The following SIK3 variants were observed in gnomAD, a reference collection of about 807,000 sequenced individuals.
SIK3 encodes the protein SIK family kinase 3.
A neutral mutation model predicts 144.2 loss-of-function variants in SIK3; 28 were observed. That is an observed-to-expected ratio of 0.19 (90% CI 0.14 to 0.27). The LOEUF is 0.27. Among genes scored for constraint, SIK3 ranks in the 10% least tolerant of loss-of-function variants. The pLI is 1.00. For synonymous variants in SIK3, 686 were observed against 676.3 expected (o/e 1.01, Z -0.22); for missense variants, 1,319 against 1,776.0 (o/e 0.74, Z 4.62).
chr11:116,943,048 T>C (rs1948397889), intron 3 of SIK3, among the ~76,000 whole-genome samples: 1 of 152,178 alleles, frequency 6.6e-6, no homozygotes, highest in Admixed American at 6.5e-5. Context: ...AGTGATTGAA[T>C]TCAGCATATA....
chr11:116,896,486 C>T, intron 5 of SIK3, 110 bp from the exon 6 acceptor site: 2 of 1,179,030 alleles, frequency 1.7e-6, no homozygotes, highest in Non-Finnish European at 1.2e-6. Context: ...GATTATGGAA[C>T]AAACTTTTTC....
At chr11:116,891,589 CCTTAGAGG>C (rs1945114591) in intron 6 of SIK3, among the ~76,000 whole-genome samples, 1 of 151,880 alleles carries the variant, frequency 6.6e-6, no homozygotes, top group Non-Finnish European at 1.5e-5. Flanking sequence ...GTAAACTTTA[CCTTAGAGG>C]CAATGGTAAA....
intron 1 of SIK3, among the ~76,000 whole-genome samples, chr11:117,022,467 C>G (rs1951820399): frequency 6.6e-6 from 1 of 152,148 alleles, no homozygotes; most frequent in Non-Finnish European, 1.5e-5. Context: ...TTCCTTTGGT[C>G]TACATTTCAA....
chr11:117,032,644 C>A (rs938794202), intron 1 of SIK3, among the ~76,000 whole-genome samples: 3 of 150,784 alleles, frequency 2.0e-5, no homozygotes, highest in African/African-American at 7.3e-5. Context: ...GTAGCTGGGA[C>A]TATGACACGC....
intron 1 of SIK3, among the ~76,000 whole-genome samples, chr11:117,065,229 G>A (rs2135972751): frequency 6.6e-6 from 1 of 151,606 alleles, no homozygotes; most frequent in East Asian, 1.9e-4. Context: ...CATAAAATGA[G>A]ACGTAGCTTG....
At chr11:117,004,753 C>A (rs1950979991) in intron 1 of SIK3, among the ~76,000 whole-genome samples, 1 of 152,218 alleles carries the variant, frequency 6.6e-6, no homozygotes, top group African/African-American at 2.4e-5. Context: ...CCAACCAACT[C>A]TTGTAAGATT....
chr11:117,058,857 AAGGGCAGTACTGTT>A, intron 1 of SIK3, among the ~76,000 whole-genome samples: 1 of 152,214 alleles, frequency 6.6e-6, no homozygotes, highest in Non-Finnish European at 1.5e-5. Context: ...AACACAGAAA[AAGGGCAGTACTGTT>A]AATCCACAGC....
chr11:117,021,093 G>C (rs1951744666), intron 1 of SIK3, among the ~76,000 whole-genome samples: 1 of 152,186 alleles, frequency 6.6e-6, no homozygotes, highest in Non-Finnish European at 1.5e-5. Context: ...AGAACTGGTT[G>C]ACTGCTTGGT....
chr11:116,884,518 C>T (rs1434220759), intron 6 of SIK3, among the ~76,000 whole-genome samples: 1 of 152,086 alleles, frequency 6.6e-6, no homozygotes, highest in Non-Finnish European at 1.5e-5. Flanking sequence ...TGCCACCACG[C>T]CCAGCTAATT....
At chr11:117,079,797 G>C (rs1954704835) in intron 1 of SIK3, among the ~76,000 whole-genome samples, 2 of 151,440 alleles carry the variant, frequency 1.3e-5, no homozygotes, top group Admixed American at 6.6e-5. Context: ...TTTTATATTA[G>C]ACACACACAC....
intron 3 of SIK3, chr11:116,950,016 G>A: frequency 2.3e-6 from 1 of 444,398 alleles, no homozygotes; most frequent in Non-Finnish European, 4.5e-6. Flanking sequence ...TGGAGAGCGG[G>A]GGAGGACAGC....
At chr11:116,897,929 C>T (rs991657585) in intron 4 of SIK3, among the ~76,000 whole-genome samples, 3 of 151,846 alleles carry the variant, frequency 2.0e-5, no homozygotes, top group Admixed American at 1.3e-4. Context: ...GTTAAGACCA[C>T]ATTAGAATCA....
At chr11:116,874,328 C>G (rs1313817080) in intron 11 of SIK3, among the ~76,000 whole-genome samples, 1 of 152,196 alleles carries the variant, frequency 6.6e-6, no homozygotes, top group Non-Finnish European at 1.5e-5. Context: ...ATAGTGGCAC[C>G]AGTCCAGTTC....
intron 1 of SIK3, among the ~76,000 whole-genome samples, chr11:117,038,989 G>A (rs1952630312): frequency 6.6e-6 from 1 of 152,066 alleles, no homozygotes; most frequent in African/African-American, 2.4e-5. Flanking sequence ...GGCGGAGGCT[G>A]CAGGGAGCTG....
rs1467157862 is a variant in SIK3, at chr11:116,875,948, T to C, written c.1157A>G (p.His386Arg). The C allele has an allele frequency of 4.3e-6, 7 of 1,613,576 alleles. No homozygotes were observed. The highest frequency in any genetic ancestry group is 1.6e-4 in the Middle Eastern group (1 of 6,082). Reference protein sequence around the residue: ...SAIYSLLCDRHKRHKTLRLGA... With the variant: ...SAIYSLLCDRRKRHKTLRLGA... ...GAGACGCAGGGTTTTATGTCTCTTATGTCGATCACACAGCAGGCTGTAGAT... is the reference window on the plus strand; with the variant it reads ...GAGACGCAGGGTTTTATGTCTCTTACGTCGATCACACAGCAGGCTGTAGAT... Residue 386 changes from histidine (H) to arginine (R), a missense_variant, in exon 9 of 25, where the codon CAT (histidine) becomes CGT (arginine). His to Arg is a conservative substitution (Grantham distance 29). Coordinates refer to ENST00000445177, the MANE Select transcript of SIK3 (RefSeq NM_001366686.3).
At chr11:116,910,186 T>G (rs1383689299) in intron 4 of SIK3, among the ~76,000 whole-genome samples, 1 of 152,164 alleles carries the variant, frequency 6.6e-6, no homozygotes, top group East Asian at 1.9e-4. Context: ...TAAAAATTCA[T>G]TTTTGTCTAT....
At chr11:116,898,290 C>T (rs1200579945) in intron 4 of SIK3, among the ~76,000 whole-genome samples, 1 of 152,162 alleles carries the variant, frequency 6.6e-6, no homozygotes, top group Non-Finnish European at 1.5e-5. Flanking sequence ...CATGTCCCTA[C>T]AAAGGACATG....
chr11:116,983,981 G>T (rs1950240519), intron 1 of SIK3, among the ~76,000 whole-genome samples: 1 of 150,566 alleles, frequency 6.6e-6, no homozygotes, highest in Non-Finnish European at 1.5e-5. Flanking sequence ...AGTCCAGGCG[G>T]CTGGGGCTGC....
chr11:117,030,829 C>A (rs1213541185), intron 1 of SIK3, among the ~76,000 whole-genome samples: 1 of 152,094 alleles, frequency 6.6e-6, no homozygotes, highest in Non-Finnish European at 1.5e-5. Context: ...TGCCAGTGCA[C>A]CCAGGCTTTT....
Sources: gnomAD v4.1 joint callset for allele counts (sites outside exome capture counted in the v4.1 genomes callset) on GRCh38, gnomAD v4.1.1 for gene constraint, MANE v1.5 for transcripts, NCBI Gene and HGNC (gene_info 2026-07-23, HGNC 2026-07-21) for gene names.